ANO3: variants seen among roughly 807,000 people sequenced by gnomAD.
ANO3 encodes anoctamin 3.
A neutral mutation model predicts 144.8 loss-of-function variants in ANO3; 99 were observed. The ratio of observed to expected loss-of-function variants is 0.68; its 90% CI spans 0.58 to 0.81. ANO3 has a LOEUF of 0.81. Ranked by LOEUF, ANO3 falls within the 30% of genes least tolerant of loss-of-function variation. The pLI is 0.00. For synonymous variants in ANO3, 414 were observed against 392.6 expected (o/e 1.05, Z -0.64); for missense variants, 905 against 1,202.2 (o/e 0.75, Z 3.66).
At chr11:26,259,738 A>G (rs558610700) in intron 1 of ANO3, among the ~76,000 whole-genome samples, 3 of 152,140 alleles carry the variant, frequency 2.0e-5, no homozygotes, top group Non-Finnish European at 4.4e-5. Flanking sequence ...AACACTATGC[A>G]CCATTTATCA....
intron 1 of ANO3, among the ~76,000 whole-genome samples, chr11:26,434,359 T>C (rs1370069373): frequency 1.3e-5 from 2 of 152,178 alleles, no homozygotes; most frequent in Admixed American, 1.3e-4. Context: ...ATGTACATCA[T>C]TAATTTTTTC....
At chr11:26,431,466 C>T (rs1028762454) in intron 1 of ANO3, among the ~76,000 whole-genome samples, 2 of 152,130 alleles carry the variant, frequency 1.3e-5, no homozygotes, top group African/African-American at 4.8e-5. Context: ...CAGAGATAAA[C>T]TCGTGCCACA....
chr11:26,247,939 G>T (rs1852836472), intron 1 of ANO3, among the ~76,000 whole-genome samples: 1 of 151,502 alleles, frequency 6.6e-6, no homozygotes, highest in South Asian at 2.1e-4. Context: ...CACCATGTTG[G>T]ACAGGCTGGT....
intron 9 of ANO3, among the ~76,000 whole-genome samples, chr11:26,536,074 C>T (rs181979375): frequency 2.4e-4 from 37 of 151,900 alleles, no homozygotes; most frequent in African/African-American, 6.0e-4. Context: ...AATCCCAGCA[C>T]TTTGGGAGGC....
intron 23 of ANO3, 87 bp from the exon 24 acceptor site, chr11:26,647,622 G>A: frequency 7.5e-7 from 1 of 1,329,846 alleles, no homozygotes; most frequent in South Asian, 1.5e-5. Flanking sequence ...TCCAACATAA[G>A]TAAAACATTA....
intron 9 of ANO3, among the ~76,000 whole-genome samples, chr11:26,536,624 A>G (rs1430996897): frequency 6.6e-6 from 1 of 152,070 alleles, no homozygotes; most frequent in Non-Finnish European, 1.5e-5. Context: ...GTTTTTAAAA[A>G]ATTACCATTA....
At chr11:26,557,551 T>C (rs1850124760) in intron 13 of ANO3, among the ~76,000 whole-genome samples, 1 of 152,146 alleles carries the variant, frequency 6.6e-6, no homozygotes, top group Non-Finnish European at 1.5e-5. Context: ...TAATTTAATG[T>C]ATTACATATT....
chr11:26,557,549 T>C (rs879620050), intron 13 of ANO3, among the ~76,000 whole-genome samples: 1 of 152,126 alleles, frequency 6.6e-6, no homozygotes, highest in African/African-American at 2.4e-5. Context: ...AATAATTTAA[T>C]GTATTACATA....
At chr11:26,252,959 G>T (rs1852967845) in intron 1 of ANO3, among the ~76,000 whole-genome samples, 1 of 152,140 alleles carries the variant, frequency 6.6e-6, no homozygotes, top group Non-Finnish European at 1.5e-5. Context: ...AGGTTCCCTT[G>T]TTAAGTTTTA....
chr11:26,368,562 G>A (rs1454132291), intron 1 of ANO3, among the ~76,000 whole-genome samples: 1 of 151,848 alleles, frequency 6.6e-6, no homozygotes. Flanking sequence ...GATGGAAAGA[G>A]AAAAAAGAAA....
At chr11:26,222,937 G>T (rs1308520755) in intron 1 of ANO3, among the ~76,000 whole-genome samples, 1 of 152,118 alleles carries the variant, frequency 6.6e-6, no homozygotes, top group Non-Finnish European at 1.5e-5. Flanking sequence ...ATTCTTTGGG[G>T]CCTTTCTCAT....
At chr11:26,294,428 A>T (rs1054851616) in intron 1 of ANO3, among the ~76,000 whole-genome samples, 17 of 152,070 alleles carry the variant, frequency 1.1e-4, no homozygotes, top group Non-Finnish European at 2.4e-4. Context: ...AAAAATAAAC[A>T]TTGTATATGT....
intron 6 of ANO3, among the ~76,000 whole-genome samples, chr11:26,520,556 G>A (rs1288035433): frequency 6.6e-6 from 1 of 152,102 alleles, no homozygotes; most frequent in Non-Finnish European, 1.5e-5. Flanking sequence ...AAAATATGCA[G>A]CATTTTCCAA....
At chr11:26,562,060 T>G (rs778210236) in intron 14 of ANO3, among the ~76,000 whole-genome samples, 61 of 151,894 alleles carry the variant, frequency 4.0e-4, no homozygotes, top group Non-Finnish European at 8.1e-4. Flanking sequence ...ATTGAGTTAT[T>G]CTTTTATGCC....
intron 1 of ANO3, among the ~76,000 whole-genome samples, chr11:26,409,127 T>TA (rs11291107): frequency 2.7e-4 from 40 of 147,632 alleles, no homozygotes; most frequent in South Asian, 6.5e-4. Flanking sequence ...TTAAGTACAA[T>TA]AAAAAAAAAA....
chr11:26,356,496 T>TATTGTTTACATAAGTG (rs1328794092), intron 1 of ANO3, among the ~76,000 whole-genome samples: 8 of 152,326 alleles, frequency 5.3e-5, no homozygotes, highest in Middle Eastern at 3.4e-3. Flanking sequence ...AGTGACATAA[T>TATTGTTTACATAAGTG]ACAGTATATA....
chr11:26,656,379 CAG>C lies in ANO3; in HGVS notation c.2665_2666del (p.Asp889LeufsTer12). On this transcript the variant is annotated frameshift_variant, in exon 26 of 27. Transcript: ENST00000256737. LOFTEE classifies it high-confidence loss of function. ...TCTTTGTTTTTGTGGATTTCAGGTA[CAG>C]AGACTACAGAGGCCCGCCCTGGAGT... ...GMGKSGYCRY[R>X]DYRGPPWSSK... 1 of 1,589,788 alleles carries C rather than the reference CAG, an allele frequency of 6.3e-7. No homozygotes were observed. The highest frequency in any genetic ancestry group is 8.6e-7 in the Non-Finnish European group (1 of 1,158,246).
chr11:26,337,008 C>G (rs1345812156), intron 1 of ANO3, among the ~76,000 whole-genome samples: 2 of 152,156 alleles, frequency 1.3e-5, no homozygotes, highest in African/African-American at 2.4e-5. Context: ...TAGAGCCCAT[C>G]TGGTCTTCTA....
At chr11:26,213,548 T>A (rs1243589699) in intron 1 of ANO3, among the ~76,000 whole-genome samples, 2 of 152,140 alleles carry the variant, frequency 1.3e-5, no homozygotes, top group African/African-American at 4.8e-5. Context: ...GAGAATAAAG[T>A]ACTTAGAAAT....
Sources: gnomAD v4.1 joint callset for allele counts (sites outside exome capture counted in the v4.1 genomes callset) on GRCh38, gnomAD v4.1.1 for gene constraint, MANE v1.5 for transcripts, NCBI Gene and HGNC (gene_info 2026-07-23, HGNC 2026-07-21) for gene names.